The following ZNF124 variants were observed in gnomAD, a reference collection of about 807,000 sequenced individuals.
ZNF124 encodes zinc finger protein 124, also known as zinc finger protein HZF-16.
A neutral mutation model predicts 26.6 loss-of-function variants in ZNF124; 25 were observed. That is an observed-to-expected ratio of 0.94 (90% CI 0.68 to 1.31). ZNF124 has a LOEUF of 1.31. ZNF124 is among the 40% of genes most tolerant of loss of function. The pLI, the probability that ZNF124 is intolerant of heterozygous loss-of-function variation, is 0.00. For synonymous variants in ZNF124, 129 were observed against 133.3 expected, an observed-to-expected ratio of 0.97 and a Z score of 0.22; for missense variants, 444 against 422.2, an observed-to-expected ratio of 1.05 and a Z score of -0.45.
At chr1:247,162,328 G>A (rs1304873479) in intron 1 of ZNF124, among the ~76,000 whole-genome samples, 1 of 152,098 alleles carries the variant, frequency 6.6e-6, no homozygotes, top group Admixed American at 6.6e-5. Context: ...GCTGGATAGA[G>A]AAACAAAACC....
downstream of ZNF124, among the ~76,000 whole-genome samples, chr1:247,152,143 A>C (rs1672965323): frequency 6.6e-6 from 1 of 150,696 alleles, no homozygotes; most frequent in Non-Finnish European, 1.5e-5. Flanking sequence ...GGACATGTGC[A>C]TGTATCTTTA....
At chr1:247,165,543 A>G (rs1673732368) in intron 1 of ZNF124, among the ~76,000 whole-genome samples, 1 of 152,242 alleles carries the variant, frequency 6.6e-6, no homozygotes, top group Non-Finnish European at 1.5e-5. Flanking sequence ...GACTGCCACA[A>G]AAGAAAAAGT....
chr1:247,156,888 C>T lies in ZNF124; in HGVS notation c.734G>A (p.Cys245Tyr), dbSNP rs771285659. The T allele has an allele frequency of 6.2e-7, 1 of 1,613,902 alleles. No individual in the cohort carries two copies. The highest frequency in any genetic ancestry group is 1.7e-5 in the Admixed American group (1 of 59,994). Residue 245 changes from cysteine to tyrosine, a missense_variant, in exon 4 of 4, where the codon TGT (cysteine) becomes TAT (tyrosine). Physicochemically the swap from Cys to Tyr is radical, Grantham distance 194. Coordinates refer to ENST00000543802, the MANE Select transcript of ZNF124 (RefSeq NM_001297568.2). ...TATATGTCCTTGCAAGGAACTGAGA[C>T]AACTGAAAGCTTTGCCACATTCCAT... is the stretch of plus-strand genomic sequence containing the variant. ...VCMECGKAFS[C>Y]LSSLQGHIKA...
chr1:247,124,926 T>G (rs541314659), intron 3 of ZNF124, among the ~76,000 whole-genome samples: 1 of 152,152 alleles, frequency 6.6e-6, no homozygotes, highest in Non-Finnish European at 1.5e-5. Context: ...AGCCTCCCAA[T>G]AGCTGGGACT....
intron 1 of ZNF124, 138 bp from the exon 2 acceptor site, chr1:247,159,951 T>A: frequency 1.2e-6 from 1 of 813,372 alleles, no homozygotes; most frequent in Non-Finnish European, 1.7e-6. Context: ...TGACTCTGTC[T>A]ACACTTCCTT....
downstream of ZNF124, among the ~76,000 whole-genome samples, chr1:247,153,283 C>T (rs1338827906): frequency 6.6e-6 from 1 of 152,130 alleles, no homozygotes; most frequent in East Asian, 1.9e-4. Context: ...GTATTCATCA[C>T]TGTTGTGATG....
At chr1:247,128,515 T>C (rs560927034) in intron 3 of ZNF124, among the ~76,000 whole-genome samples, 21 of 146,938 alleles carry the variant, frequency 1.4e-4, no homozygotes, top group African/African-American at 5.0e-4. Context: ...GGGTGGAGCC[T>C]CTCAGAGGAG....
downstream of ZNF124, among the ~76,000 whole-genome samples, chr1:247,152,545 G>A (rs1174306769): frequency 1.3e-5 from 2 of 151,882 alleles, no homozygotes; most frequent in African/African-American, 2.4e-5. Context: ...AATTAACCAC[G>A]AATTACCTAG....
chr1:247,149,431 G>A (rs1234146525), intron 3 of ZNF124, among the ~76,000 whole-genome samples: 1 of 152,154 alleles, frequency 6.6e-6, no homozygotes, highest in Non-Finnish European at 1.5e-5. Context: ...AATAGCCAAA[G>A]ACACGGAAAC....
At chr1:247,128,576 T>C (rs1272137805) in intron 3 of ZNF124, among the ~76,000 whole-genome samples, 1 of 150,598 alleles carries the variant, frequency 6.6e-6, no homozygotes, top group Admixed American at 6.7e-5. Flanking sequence ...CCTGGGATAC[T>C]CTTCTATACT....
At chr1:247,161,913 AATCT>A (rs1281820887) in intron 1 of ZNF124, among the ~76,000 whole-genome samples, 1 of 152,224 alleles carries the variant, frequency 6.6e-6, no homozygotes, top group Non-Finnish European at 1.5e-5. Flanking sequence ...ACTTTACCAC[AATCT>A]ACAGTCCAGT....
chr1:247,146,435 C>CA (rs1672781049), intron 3 of ZNF124, among the ~76,000 whole-genome samples: 1 of 152,188 alleles, frequency 6.6e-6, no homozygotes, highest in African/African-American at 2.4e-5. Context: ...AGGCAGCCCC[C>CA]AGCCCTCCTT....
At chr1:247,163,946 A>G (rs1002169414) in intron 1 of ZNF124, among the ~76,000 whole-genome samples, 7 of 152,206 alleles carry the variant, frequency 4.6e-5, no homozygotes, top group Non-Finnish European at 1.0e-4. Flanking sequence ...TTCCACCACC[A>G]TGATTAAGTA....
rs2103118526 is a variant in ZNF124 at position 247,156,558 on chromosome 1, T to C, written c.*8A>G. 6.6e-7 allele frequency: 1 copy of C among 1,524,024 alleles called. No homozygotes were observed. Among genetic ancestry groups the C allele is most frequent in the South Asian group, 1.4e-5 (1 of 73,312 alleles). 94.4% of individuals were successfully genotyped at this position (1,524,024 alleles called of 1,614,324 possible). ...TGTTTTTGACAAAAACTGTAGTGATTAAAGCCTTTACATTTTTTTACATTT... is the reference window on the plus strand; with the variant it reads ...TGTTTTTGACAAAAACTGTAGTGATCAAAGCCTTTACATTTTTTTACATTT... On this transcript the variant is annotated 3_prime_UTR_variant, in exon 4 of 4. Transcript: ENST00000543802.
intron 3 of ZNF124, among the ~76,000 whole-genome samples, chr1:247,131,087 C>G (rs1433375090): frequency 6.6e-6 from 1 of 152,148 alleles, no homozygotes; most frequent in Non-Finnish European, 1.5e-5. Context: ...AACTAAAAAA[C>G]TCATAATAAG....
intron 1 of ZNF124, among the ~76,000 whole-genome samples, chr1:247,166,775 C>G (rs1396440233): frequency 6.6e-6 from 1 of 152,130 alleles, no homozygotes; most frequent in Non-Finnish European, 1.5e-5. Flanking sequence ...ATCAGAACCC[C>G]TAAATTGGAC....
At position 247,155,271 on chromosome 1, in the gene ZNF124, G is replaced by A. The variant is rs938432825; in HGVS notation, c.*1295C>T. ...AAAGAAAATAGACTCATTTATCAAT[G>A]GCCAATTAATAACAAAATAATTAAA... On this transcript the variant is annotated 3_prime_UTR_variant, in exon 4 of 4. Coordinates refer to ENST00000543802, the MANE Select transcript of ZNF124 (RefSeq NM_001297568.2). Among the ~76,000 whole-genome samples, 26 of 151,758 alleles carry A rather than the reference G, an allele frequency of 1.7e-4. No homozygotes were observed. Among genetic ancestry groups the A allele is most frequent in the African/African-American group, 6.3e-4 (26 of 41,282 alleles).
chr1:247,123,938 GC>G (rs1200843498), intron 3 of ZNF124: 2 of 701,378 alleles, frequency 2.9e-6, no homozygotes, highest in Non-Finnish European at 2.6e-6. Flanking sequence ...CTGTATTTAT[GC>G]CCTTTGTGAT....
rs1266183723 is a variant in ZNF124, at chr1:247,155,057, GCTTT to G, written c.*1505_*1508del. On this transcript the variant is annotated 3_prime_UTR_variant, in exon 4 of 4. Coordinates refer to ENST00000543802, the MANE Select transcript of ZNF124 (RefSeq NM_001297568.2). ...ATCATACATGATGATAAGACTGGAT[GCTTT>G]CTTTCTCAGATTAGACACAAGACAC... is the stretch of plus-strand genomic sequence containing the variant. Among the ~76,000 whole-genome samples the G allele has an allele frequency of 6.6e-6, 1 of 152,174 alleles. No individual in the cohort carries two copies. The highest frequency in any genetic ancestry group is 1.5e-5 in the Non-Finnish European group (1 of 68,028).
Sources: allele counts gnomAD v4.1 joint callset (sites outside exome capture counted in the v4.1 genomes callset), GRCh38; gene constraint gnomAD v4.1.1; transcripts MANE v1.5; gene names NCBI Gene and HGNC (gene_info 2026-07-23, HGNC 2026-07-21).